Variants in SLC23A2 observed in about 807,000 individuals in gnomAD.
SLC23A2 encodes the protein Na(+)/L-ascorbic acid transporter 2.
In SLC23A2, 36 loss-of-function variants were observed where a neutral mutation model predicts 73.3. That is an observed-to-expected ratio of 0.49 (90% confidence interval 0.38 to 0.65). The LOEUF (loss-of-function observed/expected upper bound fraction) is 0.65, where lower values mean the gene tolerates loss of function less well. Ranked by LOEUF, SLC23A2 falls within the 30% of genes least tolerant of loss-of-function variation. The pLI is 0.00. For missense variants in SLC23A2, 507 were observed against 841.6 expected (o/e 0.60, Z 4.92); for synonymous variants, 343 against 327.3 (o/e 1.05, Z -0.52).
At chr20:4,923,873 T>C (rs1361578106) in intron 3 of SLC23A2, among the ~76,000 whole-genome samples, 1 of 152,186 alleles carries the variant, frequency 6.6e-6, no homozygotes, top group East Asian at 1.9e-4. Flanking sequence ...TGTTCAAATC[T>C]GTCATCACAT....
chr20:4,964,884 G>A (rs549338505), intron 2 of SLC23A2, among the ~76,000 whole-genome samples: 10 of 134,866 alleles, frequency 7.4e-5, no homozygotes, highest in African/African-American at 2.7e-4. Flanking sequence ...AAGAGTAGAA[G>A]AGAAGGGAAA....
At chr20:4,922,745 C>T (rs1183094690) in intron 3 of SLC23A2, among the ~76,000 whole-genome samples, 2 of 151,870 alleles carry the variant, frequency 1.3e-5, no homozygotes, top group Non-Finnish European at 2.9e-5. Context: ...GGCACAAGAA[C>T]TGCTTGAACC....
Position 4,862,973 on chromosome 20 carries a change from A to G in SLC23A2, c.1357-66T>C. The G allele has an allele frequency of 1.3e-6, 2 of 1,531,080 alleles. No individual in the cohort carries two copies. Among genetic ancestry groups the G allele is most frequent in the Non-Finnish European group, 1.8e-6 (2 of 1,119,002 alleles). The allele number at this position is 1,531,080 out of a possible 1,614,324, so 94.8% of individuals were successfully genotyped here. ...CCATGCAAAATCACCGTAAGTTACTAAAGAACACACAGCAGAGATACCCAT... is the reference window on the plus strand; with the variant it reads ...CCATGCAAAATCACCGTAAGTTACTGAAGAACACACAGCAGAGATACCCAT... On this transcript the variant is annotated intron_variant, in intron 13 of 16. Transcript: ENST00000338244. The surrounding 1 kb of genome is among the most constrained non-coding windows in gnomAD (Gnocchi z 5.1).
At chr20:4,991,178 A>G (rs890313984) in intron 1 of SLC23A2, among the ~76,000 whole-genome samples, 4 of 151,914 alleles carry the variant, frequency 2.6e-5, no homozygotes, top group Admixed American at 6.6e-5. Context: ...CACCATCACA[A>G]CTCACTGCAG....
chr20:4,886,805 T>A (rs1215996632), intron 6 of SLC23A2, among the ~76,000 whole-genome samples: 6 of 152,166 alleles, frequency 3.9e-5, no homozygotes, highest in Admixed American at 3.3e-4. Flanking sequence ...GGCTGGGAAC[T>A]CTCACACATC....
chr20:4,982,980 C>T (rs1209050241), intron 1 of SLC23A2, among the ~76,000 whole-genome samples: 1 of 152,120 alleles, frequency 6.6e-6, no homozygotes, highest in Non-Finnish European at 1.5e-5. Context: ...TAGCACACGC[C>T]TGTAATCCCA....
intron 10 of SLC23A2, 96 bp downstream of exon 10, chr20:4,874,480 C>T: frequency 8.5e-7 from 1 of 1,173,972 alleles, no homozygotes; most frequent in Non-Finnish European, 1.2e-6. Flanking sequence ...ATATGATCCC[C>T]CAAGGAGGGC....
At chr20:4,911,090 T>C (rs754279795) in intron 4 of SLC23A2, among the ~76,000 whole-genome samples, 58 of 152,188 alleles carry the variant, frequency 3.8e-4, no homozygotes, top group Non-Finnish European at 6.3e-4. Context: ...GAGGATTATA[T>C]GTGGCCCACC....
intron 3 of SLC23A2, among the ~76,000 whole-genome samples, chr20:4,915,218 C>T (rs1932282671): frequency 6.6e-6 from 1 of 152,198 alleles, no homozygotes; most frequent in Non-Finnish European, 1.5e-5. Flanking sequence ...AGGAAGGGTG[C>T]TGCCTTAGGG....
intron 2 of SLC23A2, among the ~76,000 whole-genome samples, chr20:4,970,138 G>A (rs1469451782): frequency 6.6e-6 from 1 of 151,926 alleles, no homozygotes; most frequent in Non-Finnish European, 1.5e-5. Context: ...AAGAGCAGGA[G>A]GTACTCAACA....
chr20:4,928,949 C>T (rs1029413172), intron 3 of SLC23A2, among the ~76,000 whole-genome samples: 4 of 152,022 alleles, frequency 2.6e-5, no homozygotes, highest in Non-Finnish European at 4.4e-5. Flanking sequence ...CAAACATTTC[C>T]GTACGCAAGA....
intron 2 of SLC23A2, among the ~76,000 whole-genome samples, chr20:4,940,370 G>A (rs2087021649): frequency 6.6e-6 from 1 of 151,884 alleles, no homozygotes; most frequent in African/African-American, 2.4e-5. Flanking sequence ...AGAAATAGGA[G>A]GAGTGTGGTC....
intron 2 of SLC23A2, among the ~76,000 whole-genome samples, chr20:4,937,218 A>G (rs1433049772): frequency 1.3e-5 from 2 of 152,208 alleles, no homozygotes; most frequent in Non-Finnish European, 2.9e-5. Context: ...TGCAACAGAT[A>G]AAAGGGGAGA....
rs1427308685 is a variant in SLC23A2, at chr20:4,862,096, A to G, written c.1487-11T>C. 6.2e-7 allele frequency: 1 copy of G among 1,613,908 alleles called. No homozygotes were observed. Among genetic ancestry groups the G allele is most frequent in the Admixed American group, 1.7e-5 (1 of 59,990 alleles). On this transcript the variant is annotated splice_polypyrimidine_tract_variant and intron_variant, in intron 14 of 16. Coordinates refer to ENST00000338244, the MANE Select transcript of SLC23A2 (RefSeq NM_005116.6). The surrounding 1 kb of genome is among the most constrained non-coding windows in gnomAD (Gnocchi z 5.1). ...CAGCTGTGATCATTCCTGGAGAAAA[A>G]CAAACCAGACCACAAGCTCCAGCAC... is the stretch of plus-strand genomic sequence containing the variant.
chr20:4,978,087 C>A (rs749119147), intron 1 of SLC23A2, among the ~76,000 whole-genome samples: 7 of 152,046 alleles, frequency 4.6e-5, no homozygotes, highest in Admixed American at 1.3e-4. Flanking sequence ...GTATTATAAA[C>A]GGGATAATAA....
At chr20:4,981,187 G>T (rs1196053318) in intron 1 of SLC23A2, among the ~76,000 whole-genome samples, 1 of 152,098 alleles carries the variant, frequency 6.6e-6, no homozygotes, top group Non-Finnish European at 1.5e-5. Context: ...ATAGACCAGG[G>T]ACAACCCTAC....
Position 4,983,948 on chromosome 20 carries a change from C to T in SLC23A2, c.-281-13029G>A, listed in dbSNP as rs2087776621. Among the ~76,000 whole-genome samples, 3 of 149,660 alleles carry T rather than the reference C, an allele frequency of 2.0e-5. No homozygotes were observed. In the South Asian group the frequency reaches 6.5e-4, roughly 32 times the overall value. The stretch of plus-strand genomic sequence containing the variant: ...TCCAGCCTGGGCAACAAGAGTAAAA[C>T]TGTGTCTAAAAGAAAAAAAAAAAGA... On this transcript the variant is annotated intron_variant, in intron 1 of 16. Coordinates refer to ENST00000338244, the MANE Select transcript of SLC23A2 (RefSeq NM_005116.6).
intron 4 of SLC23A2, among the ~76,000 whole-genome samples, chr20:4,903,690 C>T (rs1233309214): frequency 6.6e-6 from 1 of 152,174 alleles, no homozygotes; most frequent in Non-Finnish European, 1.5e-5. Flanking sequence ...AAGCTGACAT[C>T]TCATCTAATC....
chr20:4,938,611 C>A (rs2086997084), intron 2 of SLC23A2, among the ~76,000 whole-genome samples: 1 of 152,214 alleles, frequency 6.6e-6, no homozygotes, highest in Non-Finnish European at 1.5e-5. Context: ...AGGCGTGAGC[C>A]ACCATGCCGG....
Sources: allele counts gnomAD v4.1 joint callset (sites outside exome capture counted in the v4.1 genomes callset), GRCh38; gene constraint gnomAD v4.1.1; non-coding constraint Gnocchi (gnomAD v3.1); transcripts MANE v1.5; gene names NCBI Gene and HGNC (gene_info 2026-07-23, HGNC 2026-07-21).